SAMTOR: variants seen among roughly 807,000 people sequenced by gnomAD.
SAMTOR encodes UPF0532 protein C7orf60.
chr7:112,902,230 C>T, the SAMTOR span, among the ~76,000 whole-genome samples: 321 of 151,278 alleles, frequency 2.1e-3, no homozygotes, highest in Non-Finnish European at 3.6e-3. Context: ...TGGAGAAATC[C>T]GTGTCTACTA....
chr7:112,900,654 A>G, the SAMTOR span, among the ~76,000 whole-genome samples: 1 of 152,234 alleles, frequency 6.6e-6, no homozygotes, highest in South Asian at 2.1e-4. Context: ...AAGCTACAGT[A>G]ATCAAGACAG....
the SAMTOR span, among the ~76,000 whole-genome samples, chr7:112,919,657 G>A: frequency 5.9e-5 from 9 of 152,044 alleles, no homozygotes; most frequent in Non-Finnish European, 1.3e-4. Flanking sequence ...AATGAATCCA[G>A]GAGCTGGTTT....
the SAMTOR span, among the ~76,000 whole-genome samples, chr7:112,862,220 A>G: frequency 6.6e-6 from 1 of 152,186 alleles, no homozygotes; most frequent in Non-Finnish European, 1.5e-5. Context: ...ACGCCACTGC[A>G]CTCCAGCCTG....
chr7:112,924,183 T>TA, the SAMTOR span, among the ~76,000 whole-genome samples: 1 of 151,714 alleles, frequency 6.6e-6, no homozygotes, highest in Middle Eastern at 3.4e-3. Flanking sequence ...CCCTAAAACT[T>TA]AAAGTATAAT....
At chr7:112,913,427 A>G in the SAMTOR span, among the ~76,000 whole-genome samples, 1 of 152,198 alleles carries the variant, frequency 6.6e-6, no homozygotes, top group Non-Finnish European at 1.5e-5. Context: ...CTGTTTAACT[A>G]TAATTTCGTG....
chr7:112,870,873 G>A, the SAMTOR span, among the ~76,000 whole-genome samples: 1 of 151,550 alleles, frequency 6.6e-6, no homozygotes, highest in South Asian at 2.1e-4. Flanking sequence ...AAAAAAAACA[G>A]GGGTCACTAT....
the SAMTOR span, among the ~76,000 whole-genome samples, chr7:112,915,096 G>C: frequency 6.6e-6 from 1 of 151,974 alleles, no homozygotes; most frequent in African/African-American, 2.4e-5. Context: ...AAAATAGCTG[G>C]GCACAGTGGT....
chr7:112,915,971 G>T, the SAMTOR span, among the ~76,000 whole-genome samples: 1 of 152,130 alleles, frequency 6.6e-6, no homozygotes, highest in Non-Finnish European at 1.5e-5. Context: ...TTAAAAAGGG[G>T]TTGGTAGGTA....
At chr7:112,914,031 T>C in the SAMTOR span, among the ~76,000 whole-genome samples, 1 of 152,166 alleles carries the variant, frequency 6.6e-6, no homozygotes, top group East Asian at 1.9e-4. Flanking sequence ...ATAATATGAC[T>C]GGTACAAAGT....
the SAMTOR span, chr7:112,820,917 G>C: frequency 6.6e-6 from 1 of 152,256 alleles, no homozygotes; most frequent in South Asian, 2.1e-4. Context: ...GGTGTTTTAG[G>C]TCATTATTGA....
chr7:112,868,450 G>T, the SAMTOR span, among the ~76,000 whole-genome samples: 5 of 152,276 alleles, frequency 3.3e-5, no homozygotes, highest in Non-Finnish European at 7.4e-5. Flanking sequence ...GGGGCAGTCT[G>T]TCTTCCTGTG....
At chr7:112,865,209 G>A in the SAMTOR span, among the ~76,000 whole-genome samples, 1 of 152,086 alleles carries the variant, frequency 6.6e-6, no homozygotes, top group African/African-American at 2.4e-5. Flanking sequence ...AGCACTTTGG[G>A]TGGCTAATAT....
chr7:112,889,654 T>A, the SAMTOR span, among the ~76,000 whole-genome samples: 1 of 152,274 alleles, frequency 6.6e-6, no homozygotes, highest in East Asian at 1.9e-4. Flanking sequence ...AAGAAACAAC[T>A]ATAAAACTAT....
At chr7:112,824,351 TTTTG>T in the SAMTOR span, among the ~76,000 whole-genome samples, 76 of 152,122 alleles carry the variant, frequency 5.0e-4, no homozygotes, top group Non-Finnish European at 8.4e-4. Context: ...TTTGAGTTTT[TTTTG>T]TTTGTTTGTT....
chr7:112,821,729 C>A, the SAMTOR span: 156 of 1,566,002 alleles, frequency 1.0e-4, no homozygotes, highest in Non-Finnish European at 1.3e-4. Flanking sequence ...CTGAAAGGGG[C>A]TTTTTGCTTC....
chr7:112,918,595 C>G, the SAMTOR span, among the ~76,000 whole-genome samples: 1 of 152,098 alleles, frequency 6.6e-6, no homozygotes, highest in Non-Finnish European at 1.5e-5. Flanking sequence ...TCACACATAA[C>G]AATATCAACT....
chr7:112,833,271 C>T, the SAMTOR span, among the ~76,000 whole-genome samples: 132 of 152,272 alleles, frequency 8.7e-4, 1 homozygote, highest in African/African-American at 2.7e-3. Context: ...TGTAACAATA[C>T]GTAATACTAT....
the SAMTOR span, among the ~76,000 whole-genome samples, chr7:112,926,175 T>C: frequency 6.6e-6 from 1 of 152,158 alleles, no homozygotes; most frequent in East Asian, 1.9e-4. Flanking sequence ...AGTGGGTCTA[T>C]GTAAGGGCTA....
At chr7:112,857,079 CTTT>C in the SAMTOR span, among the ~76,000 whole-genome samples, 8 of 105,772 alleles carry the variant, frequency 7.6e-5, no homozygotes, top group African/African-American at 3.0e-4. Flanking sequence ...TTCTTTTAAT[CTTT>C]TTTTTTTTTT....
Sources: gnomAD v4.1 joint callset for allele counts (sites outside exome capture counted in the v4.1 genomes callset) on GRCh38, gnomAD v4.1.1 for gene constraint, MANE v1.5 for transcripts, NCBI Gene and HGNC (gene_info 2026-07-23, HGNC 2026-07-21) for gene names.